OR2C1: variants seen among roughly 807,000 people sequenced by gnomAD.
OR2C1 encodes the protein olfactory receptor family 2 subfamily C member 1, also known as olfactory receptor 2C1.
For synonymous variants in OR2C1, 209 were observed against 167.3 expected (o/e 1.25, Z -1.92); for missense variants, 468 against 388.3 (o/e 1.21, Z -1.73).
the OR2C1 span, among the ~76,000 whole-genome samples, chr16:3,338,366 T>C: frequency 6.6e-6 from 1 of 152,094 alleles, no homozygotes; most frequent in Non-Finnish European, 1.5e-5. Context: ...GTGAGGAAGC[T>C]GGTTGTCCAC....
At chr16:3,346,161 A>G in the OR2C1 span, among the ~76,000 whole-genome samples, 1 of 151,432 alleles carries the variant, frequency 6.6e-6, no homozygotes, top group Non-Finnish European at 1.5e-5. Flanking sequence ...ATTTACCATC[A>G]CTTGATATAT....
the OR2C1 span, among the ~76,000 whole-genome samples, chr16:3,336,681 T>TC: frequency 4.2e-5 from 6 of 142,576 alleles, no homozygotes; most frequent in African/African-American, 1.5e-4. Flanking sequence ...TTTCTTTTTT[T>TC]TTTTTTCTAT....
chr16:3,347,975 T>G, the OR2C1 span, among the ~76,000 whole-genome samples: 1 of 152,192 alleles, frequency 6.6e-6, no homozygotes, highest in South Asian at 2.1e-4. Flanking sequence ...ATAAATAGAT[T>G]ATGATAGATG....
chr16:3,344,718 ACT>A, the OR2C1 span, among the ~76,000 whole-genome samples: 1 of 117,886 alleles, frequency 8.5e-6, no homozygotes, highest in Non-Finnish European at 1.8e-5. Context: ...ACAGAGTGAG[ACT>A]CTGTCTCAAA....
the OR2C1 span, among the ~76,000 whole-genome samples, chr16:3,326,382 A>T: frequency 6.6e-6 from 1 of 152,106 alleles, no homozygotes; most frequent in Non-Finnish European, 1.5e-5. Context: ...CACACCAGAC[A>T]CTGCCTTAAG....
chr16:3,326,111 A>G, the OR2C1 span, among the ~76,000 whole-genome samples: 1 of 151,762 alleles, frequency 6.6e-6, no homozygotes, highest in Non-Finnish European at 1.5e-5. Flanking sequence ...TTTTATTTTT[A>G]GTAGAGACAG....
the OR2C1 span, among the ~76,000 whole-genome samples, chr16:3,344,246 A>C: frequency 1.3e-5 from 2 of 152,038 alleles, no homozygotes. Context: ...AAACAGAACT[A>C]TTATAAATAA....
At chr16:3,329,486 G>T in the OR2C1 span, among the ~76,000 whole-genome samples, 2 of 152,114 alleles carry the variant, frequency 1.3e-5, no homozygotes, top group Admixed American at 6.6e-5. Context: ...GTCTCGCTCT[G>T]TCGCCCAGGC....
Position 3,355,896 on chromosome 16 carries a change from A to G in OR2C1, c.-45A>G, listed in dbSNP as rs1454546831. ...GCTTTTTCTTGACTTTTCTTCCAGC[A>G]GCTTGCGCTAAATGAATTCATCAAG... is the stretch of plus-strand genomic sequence containing the variant. On this transcript the variant is annotated 5_prime_UTR_variant, in exon 1 of 1. Transcript: ENST00000304936. 1 of 1,416,254 alleles carries G rather than the reference A, an allele frequency of 7.1e-7. No homozygotes were observed. Among genetic ancestry groups the G allele is most frequent in the East Asian group, 2.3e-5 (1 of 43,846 alleles). The allele number at this position is 1,416,254 out of a possible 1,614,324, so 87.7% of individuals were successfully genotyped here.
chr16:3,337,907 C>A, the OR2C1 span, among the ~76,000 whole-genome samples: 1 of 152,148 alleles, frequency 6.6e-6, no homozygotes. Flanking sequence ...CTTAGGGATT[C>A]TTTGTAATTT....
rs567811655 is a variant in OR2C1, at chr16:3,356,319, T to G, written c.379T>G (p.Cys127Gly). The change falls in exon 1 of 1, where the codon TGC becomes GGC. Residue 127 changes from cysteine to glycine, a missense_variant. By Grantham distance (159) the Cys-to-Gly change is radical. Transcript: ENST00000304936. ...VMAFDRYVAV[C>G]RPLRYTAIMN... The stretch of plus-strand genomic sequence containing the variant: ...GGCATTTGACCGCTACGTGGCAGTG[T>G]GCCGGCCCCTCCGCTACACCGCCAT... The G allele has an allele frequency of 1.2e-6, 2 of 1,613,358 alleles. No individual in the cohort carries two copies. The highest frequency in any genetic ancestry group is 1.3e-5 in the African/African-American group (1 of 75,060).
At chr16:3,333,210 CA>C in the OR2C1 span, among the ~76,000 whole-genome samples, 1,650 of 32,906 alleles carry the variant, frequency 0.05, 255 homozygotes, top group Non-Finnish European at 0.065. Context: ...ATCTTTTGCC[CA>C]TTTTTTTTTT....
chr16:3,353,765 C>T (rs2150851337), upstream of OR2C1, among the ~76,000 whole-genome samples: 2 of 151,986 alleles, frequency 1.3e-5, no homozygotes, highest in African/African-American at 2.4e-5. Context: ...CACGCCACTG[C>T]ACTCCAGCCT....
the OR2C1 span, among the ~76,000 whole-genome samples, chr16:3,333,210 CATTT>C: frequency 8.2e-4 from 27 of 33,044 alleles, 3 homozygotes; most frequent in South Asian, 1.9e-3. Context: ...ATCTTTTGCC[CATTT>C]TTTTTTTTTT....
At chr16:3,336,034 A>C in the OR2C1 span, among the ~76,000 whole-genome samples, 1 of 152,176 alleles carries the variant, frequency 6.6e-6, no homozygotes, top group Non-Finnish European at 1.5e-5. Flanking sequence ...TCCCCATATC[A>C]ATATGATGTT....
chr16:3,342,993 G>A, the OR2C1 span, among the ~76,000 whole-genome samples: 10 of 152,180 alleles, frequency 6.6e-5, no homozygotes, highest in African/African-American at 2.4e-4. Context: ...ATACTGTGCA[G>A]CTTTATTTAC....
chr16:3,341,130 G>GT, the OR2C1 span, among the ~76,000 whole-genome samples: 3 of 151,996 alleles, frequency 2.0e-5, no homozygotes, highest in Middle Eastern at 3.4e-3. Context: ...TTTCAGCAGT[G>GT]TTTTGTAATT....
At chr16:3,338,682 C>T in the OR2C1 span, among the ~76,000 whole-genome samples, 2 of 151,888 alleles carry the variant, frequency 1.3e-5, no homozygotes, top group African/African-American at 2.4e-5. Context: ...AGATTACAGG[C>T]GCCCGCCAGC....
At chr16:3,336,894 G>T in the OR2C1 span, among the ~76,000 whole-genome samples, 1 of 151,544 alleles carries the variant, frequency 6.6e-6, no homozygotes, top group East Asian at 2.0e-4. Context: ...TTTTAGTAGA[G>T]ACAGGGTTTC....
Sources: gnomAD v4.1 joint callset for allele counts (sites outside exome capture counted in the v4.1 genomes callset) on GRCh38, gnomAD v4.1.1 for gene constraint, MANE v1.5 for transcripts, NCBI Gene and HGNC (gene_info 2026-07-23, HGNC 2026-07-21) for gene names.